MAP3K13: variants seen among roughly 807,000 people sequenced by gnomAD.
The protein encoded by MAP3K13 is mitogen-activated protein kinase kinase kinase 13.
Under a neutral mutation model 104.0 loss-of-function variants are expected in MAP3K13, and 52 were observed. The ratio of observed to expected loss-of-function variants is 0.50; its 90% CI spans 0.40 to 0.63. The LOEUF (loss-of-function observed/expected upper bound fraction) is 0.63, where lower values mean the gene tolerates loss of function less well. MAP3K13 is among the 20% of genes least tolerant of loss of function. The probability of loss-of-function intolerance (pLI) is 0.00; values close to 1 mark genes in which losing one functional copy is unlikely to be tolerated. For synonymous variants in MAP3K13, 394 were observed against 442.2 expected (o/e 0.89, Z 1.37); for missense variants, 914 against 1,218.5 (o/e 0.75, Z 3.72).
At chr3:185,324,514 A>G (rs1052463133) in intron 2 of MAP3K13, among the ~76,000 whole-genome samples, 10 of 151,972 alleles carry the variant, frequency 6.6e-5, no homozygotes, top group Admixed American at 1.3e-4. Flanking sequence ...TTTACATTCT[A>G]TGTTTCAATT....
intron 1 of MAP3K13, among the ~76,000 whole-genome samples, chr3:185,392,385 A>G (rs1383963755): frequency 6.6e-6 from 1 of 152,236 alleles, no homozygotes; most frequent in East Asian, 1.9e-4. Flanking sequence ...AACCCAGACT[A>G]GAGAGAGGCT....
At chr3:185,291,467 C>T in intron 2 of MAP3K13, 4 of 800,200 alleles carry the variant, frequency 5.0e-6, no homozygotes, top group East Asian at 3.0e-5. Context: ...TTTTCCTTTT[C>T]TTTGTTTTTG....
chr3:185,359,054 G>A (rs1723493172), upstream of MAP3K13, among the ~76,000 whole-genome samples: 4 of 152,122 alleles, frequency 2.6e-5, no homozygotes, highest in African/African-American at 7.2e-5. Context: ...CTGTTTTCAC[G>A]CTGATGATAA....
intron 1 of MAP3K13, among the ~76,000 whole-genome samples, chr3:185,427,573 A>G (rs908085067): frequency 6.6e-6 from 1 of 152,146 alleles, no homozygotes; most frequent in Non-Finnish European, 1.5e-5. Flanking sequence ...CAAATTTTAT[A>G]TCTTAGAAAC....
At chr3:185,381,820 A>G (rs928977272) in intron 1 of MAP3K13, among the ~76,000 whole-genome samples, 2 of 152,262 alleles carry the variant, frequency 1.3e-5, no homozygotes, top group African/African-American at 4.8e-5. Context: ...AAGCACACAT[A>G]AAACAAGGTT....
At chr3:185,285,860 T>C (rs1720488887) in intron 2 of MAP3K13, among the ~76,000 whole-genome samples, 1 of 152,188 alleles carries the variant, frequency 6.6e-6, no homozygotes, top group Non-Finnish European at 1.5e-5. Context: ...GCTATATTTA[T>C]ATTGTTCCTG....
At chr3:185,413,947 G>T (rs970096794) in intron 1 of MAP3K13, among the ~76,000 whole-genome samples, 59 of 152,116 alleles carry the variant, frequency 3.9e-4, no homozygotes, top group Non-Finnish European at 6.6e-4. Context: ...TCCAAGTTTG[G>T]AACCTAAGTT....
In MAP3K13 at chr3:185,482,920, AG is replaced by A. The variant is rs780317114; in HGVS notation, c.*468del. ...CGGGAGGTATTATTGCTGCTTGAAC[AG>A]GGGACCAGGTCTTTTGGCCATAAGT... On this transcript the variant is annotated 3_prime_UTR_variant, in exon 14 of 14. Coordinates refer to ENST00000265026, the MANE Select transcript of MAP3K13 (RefSeq NM_004721.5). The surrounding 1 kb of genome is among the most constrained non-coding windows in gnomAD (Gnocchi z 4.5). 4.3e-6 allele frequency: 1 copy of A among 233,678 alleles called. No individual in the cohort carries two copies. The highest frequency in any genetic ancestry group is 8.4e-6 in the Non-Finnish European group (1 of 118,540). The allele number at this position is 233,678 out of a possible 1,614,324, so 14.5% of individuals were successfully genotyped here. A position where few individuals can be genotyped will look rare whatever the true frequency, so the allele number is the denominator to read the frequency against.
At chr3:185,397,202 G>C (rs1712478363) in intron 1 of MAP3K13, among the ~76,000 whole-genome samples, 1 of 152,198 alleles carries the variant, frequency 6.6e-6, no homozygotes, top group Non-Finnish European at 1.5e-5. Flanking sequence ...CAGTGATGGA[G>C]AGCTAATCAA....
At chr3:185,462,259 A>G (rs758098636) in intron 7 of MAP3K13, among the ~76,000 whole-genome samples, 1 of 151,806 alleles carries the variant, frequency 6.6e-6, no homozygotes, top group East Asian at 1.9e-4. Flanking sequence ...GTTTTTTTCT[A>G]CCCCCTAAAA....
At chr3:185,298,208 TTCTA>T (rs1246784332) in intron 2 of MAP3K13, among the ~76,000 whole-genome samples, 3 of 152,218 alleles carry the variant, frequency 2.0e-5, no homozygotes, top group African/African-American at 7.2e-5. Context: ...GCTTTCTCTT[TTCTA>T]TCTTTTACTT....
intron 2 of MAP3K13, among the ~76,000 whole-genome samples, chr3:185,298,021 G>C (rs1560038106): frequency 6.6e-6 from 1 of 151,120 alleles, no homozygotes; most frequent in African/African-American, 2.4e-5. Flanking sequence ...CATGTCTGCA[G>C]GCCAGAGATA....
chr3:185,467,075 TAG>T, intron 10 of MAP3K13, 112 bp downstream of exon 10: 1 of 1,208,450 alleles, frequency 8.3e-7, no homozygotes. Context: ...CAGATGACTG[TAG>T]AGATACTCAG....
intron 7 of MAP3K13, among the ~76,000 whole-genome samples, chr3:185,458,730 G>A (rs940247920): frequency 6.6e-6 from 1 of 152,176 alleles, no homozygotes; most frequent in African/African-American, 2.4e-5. Context: ...TTAGCACCTG[G>A]TCTCCACTTT....
chr3:185,447,558 A>C (rs1305015976), intron 4 of MAP3K13, among the ~76,000 whole-genome samples: 1 of 150,036 alleles, frequency 6.7e-6, no homozygotes, highest in Non-Finnish European at 1.5e-5. Flanking sequence ...CACAGCAAGT[A>C]GAAGAGGCAG....
In MAP3K13 at chr3:185,392,146, A is replaced by G. The variant is rs932380934; in HGVS notation, c.-86+28778A>G. On this transcript the variant is annotated intron_variant, in intron 1 of 13. Transcript: ENST00000265026. ...ATAAAATTTATGAAAGACATTATAT[A>G]TTGGATTATGGCCTAATGAGTTCAA... Among the ~76,000 whole-genome samples, 9 of 152,322 alleles carry G rather than the reference A, an allele frequency of 5.9e-5. 1 individual carries two copies. Among genetic ancestry groups the G allele is most frequent in the African/African-American group, 1.9e-4 (8 of 41,576 alleles).
intron 2 of MAP3K13, 23 bp from the exon 3 acceptor site, chr3:185,437,424 T>C: frequency 1.9e-6 from 3 of 1,608,780 alleles, no homozygotes; most frequent in Non-Finnish European, 2.5e-6. Context: ...CTCTTCAAGC[T>C]TATTTCTTGC....
rs752495262 is a variant in MAP3K13 at position 185,428,858 on chromosome 3, T to C, written c.277T>C (p.Ser93Pro). 6.2e-7 allele frequency: 1 copy of C among 1,614,048 alleles called. No individual in the cohort carries two copies. Among genetic ancestry groups the C allele is most frequent in the Non-Finnish European group, 8.5e-7 (1 of 1,180,016 alleles). The stretch of plus-strand genomic sequence containing the variant: ...TCTTCAGCTAAGGGAACACGATGAA[T>C]CAGAGACGGCGGTGTCTCAGGGGAA... ...SVLQLREHDE[S>P]ETAVSQGNSN... The change falls in exon 2 of 14, where the codon TCA (serine) becomes CCA (proline). Residue 93 changes from serine to proline, a missense_variant. Around this residue, in one of 3 missense-constraint regions of MAP3K13, gnomAD observed 156 missense variants for 159.8 expected, o/e 0.98. Transcript: ENST00000265026.
intron 2 of MAP3K13, among the ~76,000 whole-genome samples, chr3:185,344,741 G>A (rs1301716936): frequency 6.6e-6 from 1 of 152,070 alleles, no homozygotes; most frequent in African/African-American, 2.4e-5. Context: ...CATTTCTAGC[G>A]ACTGTTTCCC....
Sources: allele counts gnomAD v4.1 joint callset (sites outside exome capture counted in the v4.1 genomes callset), GRCh38; gene constraint gnomAD v4.1.1; regional missense constraint gnomAD v4.1.1; non-coding constraint Gnocchi (gnomAD v3.1); transcripts MANE v1.5; gene names NCBI Gene and HGNC (gene_info 2026-07-23, HGNC 2026-07-21).